Variants in LRRC20 observed in about 807,000 individuals in gnomAD.
LRRC20 encodes leucine-rich repeat-containing protein 20.
LRRC20 carries 11 observed loss-of-function variants against 14.4 expected under a neutral mutation model. That is an observed-to-expected ratio of 0.77 (90% CI 0.48 to 1.27). The LOEUF is 1.27. Ranked by LOEUF, LRRC20 falls within the 50% of genes most tolerant of loss-of-function variation. The pLI is 0.00. For missense variants in LRRC20, 219 were observed against 251.2 expected, an observed-to-expected ratio of 0.87 and a Z score of 0.87; for synonymous variants, 121 against 107.3, an observed-to-expected ratio of 1.13 and a Z score of -0.79.
chr10:70,370,151 T>G (rs1444097947), intron 2 of LRRC20, among the ~76,000 whole-genome samples: 3 of 152,254 alleles, frequency 2.0e-5, no homozygotes, highest in Non-Finnish European at 1.5e-5. Flanking sequence ...ACTAAGATTC[T>G]GAAATCACAG....
At chr10:70,324,092 G>A in intron 3 of LRRC20, 62 bp from the exon 4 acceptor site, 2 of 1,518,658 alleles carry the variant, frequency 1.3e-6, no homozygotes, top group Non-Finnish European at 9.1e-7. Flanking sequence ...AGACCACAGT[G>A]ACTGCCCGCT....
chr10:70,318,138 G>A (rs981041424), intron 4 of LRRC20, among the ~76,000 whole-genome samples: 35 of 152,298 alleles, frequency 2.3e-4, no homozygotes, highest in African/African-American at 7.9e-4. Context: ...TGCCCATGCT[G>A]CCAGCCTATT....
At chr10:70,322,285 T>A (rs1842116386) in intron 4 of LRRC20, among the ~76,000 whole-genome samples, 1 of 152,182 alleles carries the variant, frequency 6.6e-6, no homozygotes, top group South Asian at 2.1e-4. Flanking sequence ...GAGACCCACC[T>A]GTCTACCCGC....
intron 4 of LRRC20, among the ~76,000 whole-genome samples, chr10:70,308,611 G>T (rs1324594272): frequency 6.6e-6 from 1 of 152,094 alleles, no homozygotes; most frequent in African/African-American, 2.4e-5. Flanking sequence ...AGCCGGGGTT[G>T]GGGGGTGTGG....
intron 4 of LRRC20, 63 bp from the exon 5 acceptor site, chr10:70,301,571 A>C: frequency 6.4e-6 from 10 of 1,566,444 alleles, no homozygotes; most frequent in Middle Eastern, 1.7e-4. Flanking sequence ...AAGAAGGACA[A>C]TGGGCCATGA....
In LRRC20 at chr10:70,301,504, C is replaced by T; in HGVS notation, c.405G>A (p.Val135=). ...INLEENEIVD[V]PVEKLAAMPA... ...GCATGGCGGCCAGCTTCTCCACGGG[C>T]ACATCTATTGGGGACAGAATGGACA... The change falls in exon 5 of 5, where the codon GTG becomes GTA. Residue 135 remains valine (V), a synonymous_variant. Transcript: ENST00000446961. 1 of 1,613,682 alleles carries T rather than the reference C, an allele frequency of 6.2e-7. No homozygotes were observed. The highest frequency in any genetic ancestry group is 2.2e-5 in the East Asian group (1 of 44,892).
intron 2 of LRRC20, among the ~76,000 whole-genome samples, chr10:70,349,597 A>T (rs974988564): frequency 6.6e-6 from 1 of 152,168 alleles, no homozygotes; most frequent in African/African-American, 2.4e-5. Flanking sequence ...ATAAATAAAT[A>T]AAATAAACAC....
chr10:70,310,504 C>T (rs1841612090), intron 4 of LRRC20, among the ~76,000 whole-genome samples: 1 of 152,216 alleles, frequency 6.6e-6, no homozygotes, highest in Non-Finnish European at 1.5e-5. Flanking sequence ...TCCCCTGCAT[C>T]CCCCTCCAAA....
At chr10:70,334,137 G>A (rs544333604) in intron 3 of LRRC20, among the ~76,000 whole-genome samples, 3 of 149,234 alleles carry the variant, frequency 2.0e-5, no homozygotes, top group South Asian at 2.1e-4. Flanking sequence ...GTGACACAGC[G>A]AGACTCCATC....
At position 70,301,260 on chromosome 10, in the gene LRRC20, G is replaced by GCCC. The variant is rs142087546; in HGVS notation, c.*91_*93dup. ...GTGCTGCTCGGCCCACCCGCCCCCA[G>GCCC]CCCCCAGGCTTGGCCTCCCATGGGC... On this transcript the variant is annotated 3_prime_UTR_variant, in exon 5 of 5. Coordinates refer to ENST00000446961, the MANE Select transcript of LRRC20 (RefSeq NM_001278212.2). The GCCC allele has an allele frequency of 6.6e-3, 9,313 of 1,414,716 alleles. 465 individuals carry two copies. The African/African-American group carries it at 0.12, about 18-fold the overall frequency. 87.6% of individuals were successfully genotyped at this position (1,414,716 alleles called of 1,614,324 possible). A position where few individuals can be genotyped will look rare whatever the true frequency, so the allele number is the denominator to read the frequency against.
intron 4 of LRRC20, among the ~76,000 whole-genome samples, chr10:70,315,742 C>T (rs927037485): frequency 2.6e-5 from 4 of 152,194 alleles, no homozygotes; most frequent in Admixed American, 2.0e-4. Context: ...CTCTTTTCCA[C>T]CCATCAGTGA....
At chr10:70,363,882 G>T (rs1029332151) in intron 2 of LRRC20, among the ~76,000 whole-genome samples, 7 of 152,142 alleles carry the variant, frequency 4.6e-5, no homozygotes, top group African/African-American at 9.7e-5. Context: ...AGTTGGGAAA[G>T]GTCTGTCTCC....
At position 70,349,896 on chromosome 10, in the gene LRRC20, G is replaced by T. The variant is rs549286991; in HGVS notation, c.83-9194C>A. Among the ~76,000 whole-genome samples, 8 of 152,256 alleles carry T rather than the reference G, an allele frequency of 5.3e-5. No individual in the cohort carries two copies. The South Asian group carries it at 1.2e-3, about 24-fold the overall frequency. On this transcript the variant is annotated intron_variant, in intron 2 of 4. Coordinates refer to ENST00000446961, the MANE Select transcript of LRRC20 (RefSeq NM_001278212.2). ...CTGGGGAATCCCTCCTCAGTCACTGGCAGATTGGGATGTTTAGGGTCACCC... is the reference window on the plus strand; with the variant it reads ...CTGGGGAATCCCTCCTCAGTCACTGTCAGATTGGGATGTTTAGGGTCACCC...
At position 70,306,455 on chromosome 10, in the gene LRRC20, C is replaced by T. The variant is rs141141154; in HGVS notation, c.401-4947G>A. Among the ~76,000 whole-genome samples, 332 of 152,202 alleles carry T rather than the reference C, an allele frequency of 2.2e-3. 2 individuals carry two copies. The highest frequency in any genetic ancestry group is 7.6e-3 in the African/African-American group (316 of 41,532). ...ATATTGGAGGAGTAGTGCACTGCCC[C>T]CTTCCCTTTTTAAAAGTTCCTCATT... is the stretch of plus-strand genomic sequence containing the variant. On this transcript the variant is annotated intron_variant, in intron 4 of 4. Coordinates refer to ENST00000446961, the MANE Select transcript of LRRC20 (RefSeq NM_001278212.2).
At chr10:70,365,621 T>C (rs374177261) in intron 2 of LRRC20, among the ~76,000 whole-genome samples, 67 of 152,190 alleles carry the variant, frequency 4.4e-4, no homozygotes, top group African/African-American at 1.6e-3. Context: ...AGCCCAGGAG[T>C]TCCAGGCTAC....
At chr10:70,304,519 C>T (rs1315052792) in intron 4 of LRRC20, among the ~76,000 whole-genome samples, 3 of 108,570 alleles carry the variant, frequency 2.8e-5, no homozygotes, top group Non-Finnish European at 6.3e-5. Context: ...TTACTAAGCA[C>T]CAATAACAAT....
chr10:70,304,820 G>A (rs182598501), intron 4 of LRRC20, among the ~76,000 whole-genome samples: 2 of 152,188 alleles, frequency 1.3e-5, no homozygotes, highest in South Asian at 2.1e-4. Context: ...TTATGCCACT[G>A]AGCATAATGT....
intron 4 of LRRC20, among the ~76,000 whole-genome samples, chr10:70,312,237 A>C (rs1248181789): frequency 6.6e-6 from 1 of 152,164 alleles, no homozygotes; most frequent in Non-Finnish European, 1.5e-5. Flanking sequence ...ACACAAAAAC[A>C]ACCAAGATCA....
chr10:70,341,399 C>T (rs1244800327), intron 2 of LRRC20, among the ~76,000 whole-genome samples: 1 of 152,216 alleles, frequency 6.6e-6, no homozygotes, highest in African/African-American at 2.4e-5. Context: ...GGAAACAACC[C>T]AAATGTCCAC....
Sources: allele counts gnomAD v4.1 joint callset (sites outside exome capture counted in the v4.1 genomes callset), GRCh38; gene constraint gnomAD v4.1.1; transcripts MANE v1.5; gene names NCBI Gene and HGNC (gene_info 2026-07-23, HGNC 2026-07-21).